CSMD3: variants seen among roughly 807,000 people sequenced by gnomAD.
The protein encoded by CSMD3 is CUB and Sushi multiple domains 3.
A neutral mutation model predicts 435.2 loss-of-function variants in CSMD3; 177 were observed. The ratio of observed to expected loss-of-function variants is 0.41; its 90% CI spans 0.36 to 0.46. CSMD3 has a LOEUF of 0.46. Among genes scored for constraint, CSMD3 ranks in the 20% least tolerant of loss-of-function variants. The probability of loss-of-function intolerance (pLI) is 0.34; values close to 1 mark genes in which losing one functional copy is unlikely to be tolerated. For synonymous variants in CSMD3, 1,656 were observed against 1,520.5 expected, an observed-to-expected ratio of 1.09 and a Z score of -2.07; for missense variants, 4,265 against 4,504.6, an observed-to-expected ratio of 0.95 and a Z score of 1.52.
At chr8:113,086,717 G>T (rs552900575) in intron 5 of CSMD3, among the ~76,000 whole-genome samples, 1 of 151,884 alleles carries the variant, frequency 6.6e-6, no homozygotes, top group East Asian at 1.9e-4. Context: ...AAAGAATAGG[G>T]GTTTATTTTT....
At chr8:112,382,023 T>C (rs757452461) in intron 37 of CSMD3, among the ~76,000 whole-genome samples, 5 of 152,048 alleles carry the variant, frequency 3.3e-5, no homozygotes, top group Non-Finnish European at 5.9e-5. Flanking sequence ...GGGATTACAA[T>C]CCCAGCTAAT....
intron 32 of CSMD3, among the ~76,000 whole-genome samples, chr8:112,434,472 A>T (rs1023103300): frequency 6.6e-6 from 1 of 152,052 alleles, no homozygotes; most frequent in Non-Finnish European, 1.5e-5. Context: ...GTCTACCAGC[A>T]TTTTTTTCTC....
intron 1 of CSMD3, among the ~76,000 whole-genome samples, chr8:113,320,452 AATG>A (rs2093941715): frequency 6.6e-6 from 1 of 152,060 alleles, no homozygotes; most frequent in South Asian, 2.1e-4. Context: ...ATAGTAGTTT[AATG>A]ATGTTTTAAT....
At chr8:112,233,684 AGGCTT>A (rs1394403133) in intron 68 of CSMD3, among the ~76,000 whole-genome samples, 1 of 152,078 alleles carries the variant, frequency 6.6e-6, no homozygotes, top group African/African-American at 2.4e-5. Context: ...TATGAAAAAA[AGGCTT>A]GGTACTTGAG....
intron 32 of CSMD3, among the ~76,000 whole-genome samples, chr8:112,413,235 A>T (rs1222307540): frequency 6.6e-6 from 1 of 152,166 alleles, no homozygotes. Flanking sequence ...AAGGCAGTGT[A>T]TCTATCTACT....
At chr8:112,639,005 T>C (rs1238780199) in intron 20 of CSMD3, 94 bp from the exon 21 acceptor site, 5 of 818,650 alleles carry the variant, frequency 6.1e-6, no homozygotes, top group Non-Finnish European at 1.0e-5. Flanking sequence ...ACTTTACTTA[T>C]AATTAAATTT....
At chr8:112,800,096 C>T (rs953122063) in intron 13 of CSMD3, 66 bp downstream of exon 13, 22 of 1,084,358 alleles carry the variant, frequency 2.0e-5, no homozygotes, top group Middle Eastern at 3.9e-4. Context: ...TGCAATTAAA[C>T]GTGAATTTAA....
chr8:112,726,489 G>T (rs1242903484), intron 13 of CSMD3, among the ~76,000 whole-genome samples: 1 of 151,872 alleles, frequency 6.6e-6, no homozygotes, highest in Non-Finnish European at 1.5e-5. Flanking sequence ...AGCAAAGAAA[G>T]TAGTTGAAGG....
At chr8:112,573,688 A>G (rs1304517654) in intron 23 of CSMD3, 31 bp from the exon 24 acceptor site, 1 of 1,477,176 alleles carries the variant, frequency 6.8e-7, no homozygotes, top group East Asian at 2.3e-5. Context: ...TAAAATGTAA[A>G]TGTGCCAATA....
intron 13 of CSMD3, among the ~76,000 whole-genome samples, chr8:112,760,052 A>C (rs2077799611): frequency 6.6e-6 from 1 of 152,142 alleles, no homozygotes; most frequent in African/African-American, 2.4e-5. Context: ...AAACCAGGCC[A>C]TGTGACTCCA....
intron 23 of CSMD3, 73 bp from the exon 24 acceptor site, chr8:112,573,730 T>C (rs2131303062): frequency 8.2e-7 from 1 of 1,218,090 alleles, no homozygotes; most frequent in South Asian, 1.3e-5. Flanking sequence ...TTTGTATCTA[T>C]GAAAAAGAGA....
intron 56 of CSMD3, 99 bp from the exon 57 acceptor site, chr8:112,289,637 C>G: frequency 1.3e-6 from 1 of 784,674 alleles, no homozygotes; most frequent in Non-Finnish European, 2.0e-6. Flanking sequence ...AAATGTTCTG[C>G]TGAAACATCT....
At chr8:112,318,590 T>A (rs1471841400) in intron 47 of CSMD3, among the ~76,000 whole-genome samples, 1 of 152,026 alleles carries the variant, frequency 6.6e-6, no homozygotes, top group Non-Finnish European at 1.5e-5. Flanking sequence ...ATAATTGAAG[T>A]AAGTTGAACG....
intron 65 of CSMD3, among the ~76,000 whole-genome samples, chr8:112,243,024 A>T (rs1333297260): frequency 6.6e-6 from 1 of 152,108 alleles, no homozygotes; most frequent in Non-Finnish European, 1.5e-5. Flanking sequence ...TAAAACATTT[A>T]CTCATTCAAC....
chr8:113,387,914 A>C (rs2094446109), intron 1 of CSMD3, among the ~76,000 whole-genome samples: 2 of 151,666 alleles, frequency 1.3e-5, no homozygotes, highest in Non-Finnish European at 3.0e-5. Flanking sequence ...TTGACACCTA[A>C]TACTGTAGTT....
At chr8:113,269,423 T>A (rs1361298534) in intron 3 of CSMD3, among the ~76,000 whole-genome samples, 1 of 152,144 alleles carries the variant, frequency 6.6e-6, no homozygotes, top group Non-Finnish European at 1.5e-5. Flanking sequence ...CCCATCAAGC[T>A]ACCAATGACT....
chr8:112,318,999 A>G (rs1392723272), intron 46 of CSMD3, 49 bp from the exon 47 acceptor site: 3 of 1,008,708 alleles, frequency 3.0e-6, no homozygotes, highest in Non-Finnish European at 4.7e-6. Context: ...AGGTGATGAT[A>G]AAAATAAACA....
intron 5 of CSMD3, among the ~76,000 whole-genome samples, chr8:113,040,986 C>G (rs1234058206): frequency 6.6e-6 from 1 of 151,772 alleles, no homozygotes; most frequent in African/African-American, 2.4e-5. Flanking sequence ...GGCAGCTTGC[C>G]TGAGGTCAGG....
intron 13 of CSMD3, among the ~76,000 whole-genome samples, chr8:112,731,088 G>T (rs2077063526): frequency 6.6e-6 from 1 of 151,992 alleles, no homozygotes; most frequent in African/African-American, 2.4e-5. Context: ...TAATCTAGTT[G>T]GAGTAGCATT....
Sources: allele counts gnomAD v4.1 joint callset (sites outside exome capture counted in the v4.1 genomes callset), GRCh38; gene constraint gnomAD v4.1.1; transcripts MANE v1.5; gene names NCBI Gene and HGNC (gene_info 2026-07-23, HGNC 2026-07-21).